The following FLT1 variants were observed in gnomAD, a reference collection of about 807,000 sequenced individuals.
FLT1 encodes the protein fms related receptor tyrosine kinase 1.
FLT1 carries 49 observed loss-of-function variants against 156.3 expected under a neutral mutation model. That is an observed-to-expected ratio of 0.31 (90% CI 0.25 to 0.40). FLT1 has a LOEUF of 0.40. FLT1 is among the 10% of genes least tolerant of loss of function. The pLI is 1.00. For missense variants in FLT1, 1,322 were observed against 1,637.2 expected, an observed-to-expected ratio of 0.81 and a Z score of 3.32; for synonymous variants, 594 against 583.8, an observed-to-expected ratio of 1.02 and a Z score of -0.25.
At chr13:28,477,091 A>T (rs1235006338) in intron 1 of FLT1, among the ~76,000 whole-genome samples, 1 of 152,228 alleles carries the variant, frequency 6.6e-6, no homozygotes, top group Non-Finnish European at 1.5e-5. Context: ...GTTTACCAGG[A>T]AAAAATGCTC....
intron 25 of FLT1, among the ~76,000 whole-genome samples, chr13:28,314,473 A>T (rs1871127022): frequency 6.6e-6 from 1 of 152,202 alleles, no homozygotes; most frequent in Admixed American, 6.5e-5. Context: ...CTGGGCCAGG[A>T]ACCAACAACT....
At chr13:28,304,108 T>C (rs1323149796) in intron 29 of FLT1, among the ~76,000 whole-genome samples, 1 of 152,216 alleles carries the variant, frequency 6.6e-6, no homozygotes, top group Non-Finnish European at 1.5e-5. Context: ...AAGCTTGTTT[T>C]AGACCGGTCT....
intron 14 of FLT1, among the ~76,000 whole-genome samples, chr13:28,380,398 T>G (rs1158723885): frequency 1.3e-5 from 2 of 152,176 alleles, no homozygotes; most frequent in African/African-American, 4.8e-5. Flanking sequence ...AATGGGAATA[T>G]TACGTATGGA....
At chr13:28,306,091 G>T (rs1027078608) in intron 29 of FLT1, among the ~76,000 whole-genome samples, 6 of 152,230 alleles carry the variant, frequency 3.9e-5, no homozygotes, top group Non-Finnish European at 7.3e-5. Context: ...GCACAGAGAA[G>T]CTGCAGTGGC....
intron 28 of FLT1, among the ~76,000 whole-genome samples, chr13:28,307,857 C>T (rs955334022): frequency 2.0e-5 from 3 of 152,060 alleles, no homozygotes; most frequent in Non-Finnish European, 4.4e-5. Flanking sequence ...CTGCAACCTC[C>T]GCCTCCCGGG....
At chr13:28,434,972 A>G (rs1031254790) in intron 4 of FLT1, among the ~76,000 whole-genome samples, 25 of 152,176 alleles carry the variant, frequency 1.6e-4, no homozygotes, top group African/African-American at 5.6e-4. Context: ...CGCTTTTAAC[A>G]AGCCATAGTT....
chr13:28,418,676 G>T (rs1396410744), intron 10 of FLT1, among the ~76,000 whole-genome samples: 1 of 152,030 alleles, frequency 6.6e-6, no homozygotes. Flanking sequence ...CCTTCCTCCC[G>T]TCTCAGCCTC....
chr13:28,343,502 T>C (rs1328972807), intron 16 of FLT1, among the ~76,000 whole-genome samples: 3 of 151,844 alleles, frequency 2.0e-5, no homozygotes, highest in East Asian at 3.9e-4. Flanking sequence ...GTTTTCACCA[T>C]GTTGGCTAGG....
At chr13:28,424,662 A>G (rs34465640) in intron 10 of FLT1, among the ~76,000 whole-genome samples, 40,412 of 152,158 alleles carry the variant, frequency 0.27, 6,140 homozygotes, top group Non-Finnish European at 0.35. Context: ...AAACTAAGCG[A>G]ATGCTTTGGC....
chr13:28,446,112 C>A (rs1019301976), intron 3 of FLT1, among the ~76,000 whole-genome samples: 1 of 152,152 alleles, frequency 6.6e-6, no homozygotes, highest in Non-Finnish European at 1.5e-5. Flanking sequence ...AAGCTCCTTT[C>A]GTGATGAAAA....
At chr13:28,351,357 C>G (rs952351746) in intron 15 of FLT1, among the ~76,000 whole-genome samples, 6 of 152,158 alleles carry the variant, frequency 3.9e-5, no homozygotes, top group African/African-American at 1.4e-4. Context: ...CAGAGGAAGT[C>G]TCAATAAAGA....
chr13:28,375,888 T>C (rs533124124), intron 14 of FLT1, among the ~76,000 whole-genome samples: 1 of 152,354 alleles, frequency 6.6e-6, no homozygotes, highest in East Asian at 1.9e-4. Context: ...AGGATAGATT[T>C]CATGAGAAGG....
At chr13:28,444,035 A>T (rs1475617815) in intron 3 of FLT1, among the ~76,000 whole-genome samples, 1 of 152,268 alleles carries the variant, frequency 6.6e-6, no homozygotes, top group African/African-American at 2.4e-5. Context: ...TTAAAAACAT[A>T]TATGTACCTA....
chr13:28,335,687 C>T (rs1304130363), intron 17 of FLT1, among the ~76,000 whole-genome samples: 1 of 152,200 alleles, frequency 6.6e-6, no homozygotes, highest in African/African-American at 2.4e-5. Context: ...TCAGAGAGAA[C>T]ACTGGGGAGA....
intron 3 of FLT1, among the ~76,000 whole-genome samples, chr13:28,457,194 A>G (rs1038350341): frequency 6.6e-6 from 1 of 152,112 alleles, no homozygotes; most frequent in Admixed American, 6.5e-5. Flanking sequence ...ACACACACAC[A>G]TAGACATGCA....
intron 10 of FLT1, among the ~76,000 whole-genome samples, chr13:28,413,683 C>T (rs898975085): frequency 6.6e-6 from 1 of 152,164 alleles, no homozygotes; most frequent in African/African-American, 2.4e-5. Flanking sequence ...ATAGTAGCTG[C>T]ATTCACTCAG....
At chr13:28,378,467 C>A (rs551159368) in intron 14 of FLT1, among the ~76,000 whole-genome samples, 8 of 152,306 alleles carry the variant, frequency 5.3e-5, no homozygotes, top group African/African-American at 1.9e-4. Context: ...GTGAGGTGAG[C>A]TAACATTTAG....
intron 18 of FLT1, among the ~76,000 whole-genome samples, chr13:28,331,933 A>G (rs995974871): frequency 7.1e-6 from 1 of 140,218 alleles, no homozygotes; most frequent in African/African-American, 2.5e-5. Context: ...TGAGCCTTTT[A>G]AAAAAATCTC....
At chr13:28,450,626 C>T (rs1184416278) in intron 3 of FLT1, among the ~76,000 whole-genome samples, 1 of 152,148 alleles carries the variant, frequency 6.6e-6, no homozygotes, top group Non-Finnish European at 1.5e-5. Context: ...TACTATAAAT[C>T]TTTCTTCTAC....
Sources: allele counts gnomAD v4.1 joint callset (sites outside exome capture counted in the v4.1 genomes callset), GRCh38; gene constraint gnomAD v4.1.1; transcripts MANE v1.5; gene names NCBI Gene and HGNC (gene_info 2026-07-23, HGNC 2026-07-21).